Variants in NEIL1 observed in about 807,000 individuals in gnomAD.
The protein encoded by NEIL1 is nei like DNA glycosylase 1.
Under a neutral mutation model 44.2 loss-of-function variants are expected in NEIL1, and 31 were observed. The ratio of observed to expected loss-of-function variants is 0.70; its 90% CI spans 0.53 to 0.95. The LOEUF is 0.95. Among genes scored for constraint, NEIL1 ranks in the 40% least tolerant of loss-of-function variants. The pLI is 0.00. For missense variants in NEIL1, 549 were observed against 515.5 expected (o/e 1.07, Z -0.63); for synonymous variants, 254 against 209.7 (o/e 1.21, Z -1.83).
intron 2 of NEIL1, chr15:75,351,167 G>A (rs924863334): frequency 9.2e-6 from 4 of 436,010 alleles, no homozygotes; most frequent in African/African-American, 6.2e-5. Context: ...ATGCTATACA[G>A]GGAGCTCCAG....
In NEIL1 at chr15:75,356,725, T is replaced by C. The variant is rs768589454; in HGVS notation, c.*1691T>C. The C allele has an allele frequency of 5.0e-6, 8 of 1,612,300 alleles. No homozygotes were observed. In the East Asian group the frequency reaches 8.9e-5, roughly 18 times the overall value. ...GCGCGTAGGGGCCACGCTGAAGCTG[T>C]TGGAGTTGTGGTCGGGAAGACCCAT... On this transcript the variant is annotated 3_prime_UTR_variant, in exon 10 of 10. Coordinates refer to ENST00000355059, the MANE Select transcript of NEIL1 (RefSeq NM_024608.4). The surrounding 1 kb of genome is among the most constrained non-coding windows in gnomAD (Gnocchi z 5.8).
rs764540401 is a variant in NEIL1 at position 75,356,797 on chromosome 15, A to G, written c.*1763A>G. ...CCTGGTGGGTACCCCACTTACAGCG[A>G]GAGGCTGAGGATGCTGCCTCGCACT... On this transcript the variant is annotated 3_prime_UTR_variant, in exon 10 of 10. Transcript: ENST00000355059. The surrounding 1 kb of genome is among the most constrained non-coding windows in gnomAD (Gnocchi z 5.8). 7 of 1,614,068 alleles carry G rather than the reference A, an allele frequency of 4.3e-6. No homozygotes were observed. The Admixed American group carries it at 1.0e-4, about 23-fold the overall frequency.
intron 2 of NEIL1, 88 bp from the exon 3 acceptor site, chr15:75,352,023 T>G (rs1430893575): frequency 7.5e-7 from 1 of 1,341,686 alleles, no homozygotes; most frequent in Non-Finnish European, 1.1e-6. Flanking sequence ...TCCTTCCCCT[T>G]GCACCCAGAA....
chr15:75,352,845 AAT>A (rs2072027330), intron 5 of NEIL1, 144 bp downstream of exon 5: 1 of 689,150 alleles, frequency 1.5e-6, no homozygotes, highest in African/African-American at 1.8e-5. Flanking sequence ...CTCACTTGTC[AAT>A]AGTGTTTCCA....
At chr15:75,351,874 G>T in intron 2 of NEIL1, 1 of 440,772 alleles carries the variant, frequency 2.3e-6, no homozygotes, top group Admixed American at 3.4e-5. Flanking sequence ...TGCCCGCCTC[G>T]GCCTCCCAAA....
rs2072259095 is a variant in NEIL1 at position 75,355,328 on chromosome 15, C to T, written c.*294C>T. ...CCTGGTGACAGAAGGCCCAGCTCCT[C>T]ACAAGGCAAACTGAGCCCCCATCCC... On this transcript the variant is annotated 3_prime_UTR_variant, in exon 10 of 10. Transcript: ENST00000355059. 5 of 378,246 alleles carry T rather than the reference C, an allele frequency of 1.3e-5. No individual in the cohort carries two copies. Among genetic ancestry groups the T allele is most frequent in the Non-Finnish European group, 1.5e-5 (3 of 206,040 alleles). 23.4% of individuals were successfully genotyped at this position (378,246 alleles called of 1,614,324 possible).
rs371876324 is a variant in NEIL1, at chr15:75,356,127, C to T, written c.*1093C>T. Reference sequence around the variant, plus strand: ...CCACTCACAGGATGGCCTCCTGAACCGGCAGCGACAAGTGCAGCCAGCAGT... The same window carrying T: ...CCACTCACAGGATGGCCTCCTGAACTGGCAGCGACAAGTGCAGCCAGCAGT... On this transcript the variant is annotated 3_prime_UTR_variant, in exon 10 of 10. Transcript: ENST00000355059. This position sits in a 1 kb window ranked among gnomAD's most constrained non-coding sequence, Gnocchi z 5.8. The T allele has an allele frequency of 1.4e-5, 23 of 1,613,662 alleles. No individual in the cohort carries two copies. The highest frequency in any genetic ancestry group is 6.7e-5 in the African/African-American group (5 of 74,928).
rs749691453 is a variant in NEIL1 at position 75,356,416 on chromosome 15, G to A, written c.*1382G>A. The A allele has an allele frequency of 9.9e-6, 16 of 1,608,584 alleles. No individual in the cohort carries two copies. The highest frequency in any genetic ancestry group is 8.5e-7 in the Non-Finnish European group (1 of 1,178,094). Reference sequence around the variant, plus strand: ...CAACAGGGGGAAGTTTAGGCTGTAGGCAGCTTGGATAACGCCAGCATCCTG... The same window carrying A: ...CAACAGGGGGAAGTTTAGGCTGTAGACAGCTTGGATAACGCCAGCATCCTG... On this transcript the variant is annotated 3_prime_UTR_variant, in exon 10 of 10. Transcript: ENST00000355059. The surrounding 1 kb of genome is among the most constrained non-coding windows in gnomAD (Gnocchi z 5.8).
intron 6 of NEIL1, 132 bp from the exon 7 acceptor site, chr15:75,354,118 G>A: frequency 2.7e-6 from 3 of 1,128,132 alleles, no homozygotes; most frequent in East Asian, 2.4e-5. Context: ...CTAACATGGG[G>A]GATGTCCTAG....
chr15:75,354,237 C>T lies in NEIL1; in HGVS notation c.847-13C>T. The T allele has an allele frequency of 6.2e-7, 1 of 1,614,062 alleles. No homozygotes were observed. The highest frequency in any genetic ancestry group is 8.5e-7 in the Non-Finnish European group (1 of 1,179,964). On this transcript the variant is annotated splice_polypyrimidine_tract_variant and intron_variant, in intron 6 of 9. Coordinates refer to ENST00000355059, the MANE Select transcript of NEIL1 (RefSeq NM_024608.4). Reference sequence around the variant, plus strand: ...CCCAGGCTGATTCCTGAATTATCCCCATCCCATTTTAGGGGGATCCTGGAC... The same window carrying T: ...CCCAGGCTGATTCCTGAATTATCCCTATCCCATTTTAGGGGGATCCTGGAC...
At position 75,348,964 on chromosome 15, in the gene NEIL1, C is replaced by T. The variant is rs1410863928; in HGVS notation, c.59C>T (p.Ala20Val). The T allele has an allele frequency of 6.2e-7, 1 of 1,613,474 alleles. No individual in the cohort carries two copies. Among genetic ancestry groups the T allele is most frequent in the Non-Finnish European group, 8.5e-7 (1 of 1,180,038 alleles). ...ASQFVNEACR[A>V]LVFGGCVEKS... is the part of the protein sequence containing the mutation. ...CAGTTTGTGAATGAGGCCTGCAGGG[C>T]GCTGGTGTTCGGCGGCTGCGTGGAG... The change falls in exon 2 of 10, where the codon GCG (alanine) becomes GTG (valine). Residue 20 changes from alanine to valine, a missense_variant. Ala to Val is a moderately conservative substitution (Grantham distance 64). Transcript: ENST00000355059.
intron 5 of NEIL1, 166 bp from the exon 6 acceptor site, chr15:75,353,573 G>A (rs770121503): frequency 1.2e-6 from 1 of 804,090 alleles, no homozygotes; most frequent in Admixed American, 1.7e-5. Flanking sequence ...CCATGGCCGA[G>A]TGGGAAGAAA....
At position 75,352,393 on chromosome 15, in the gene NEIL1, C is replaced by T. The variant is rs372767809; in HGVS notation, c.618+6C>T. 1.4e-5 allele frequency: 22 copies of T among 1,613,374 alleles called. No homozygotes were observed. Among genetic ancestry groups the T allele is most frequent in the East Asian group, 8.9e-5 (4 of 44,884 alleles). ...CCCTGCAGCAGCACAGGCCGGTAAG[C>T]CCAGAGAGGGATGGAGCACACGTGC... On this transcript the variant is annotated splice_donor_region_variant and intron_variant, in intron 4 of 9. Coordinates refer to ENST00000355059, the MANE Select transcript of NEIL1 (RefSeq NM_024608.4).
At position 75,357,114 on chromosome 15, in the gene NEIL1, C is replaced by T. The variant is rs1237357121; in HGVS notation, c.*2080C>T. On this transcript the variant is annotated 3_prime_UTR_variant, in exon 10 of 10. Transcript: ENST00000355059. ...CGGGAATAAATAATAGTACTCACCC[C>T]ATCGAATGATCATGAGTATCAAATT... The T allele has an allele frequency of 8.7e-6, 5 of 574,690 alleles. No individual in the cohort carries two copies. The highest frequency in any genetic ancestry group is 4.5e-5 in the South Asian group (2 of 44,740). 35.6% of individuals were successfully genotyped at this position (574,690 alleles called of 1,614,324 possible).
In NEIL1 at chr15:75,354,700, G is replaced by A. The variant is rs145982834; in HGVS notation, c.984G>A (p.Lys328=). 3.2e-4 allele frequency: 517 copies of A among 1,614,214 alleles called. No homozygotes were observed. In the African/African-American group the frequency reaches 6.1e-3, roughly 19 times the overall value. Residue 328 remains lysine (K), a synonymous_variant, in exon 9 of 10, where the codon AAG becomes AAA. Transcript: ENST00000355059. ...CCCCTTCCAGGACACGAAGGGCAAA[G>A]AGAGACCTTCCTAAGAGGACTGCAA... ...SKAPSRTRRA[K]RDLPKRTATQ...
rs1224060987 is a variant in NEIL1, at chr15:75,355,240, C to A, written c.*206C>A. 5 of 567,746 alleles carry A rather than the reference C, an allele frequency of 8.8e-6. No homozygotes were observed. In the East Asian group the frequency reaches 1.5e-4, roughly 17 times the overall value. 35.2% of individuals were successfully genotyped at this position (567,746 alleles called of 1,614,324 possible). On this transcript the variant is annotated 3_prime_UTR_variant, in exon 10 of 10. Transcript: ENST00000355059. ...ATGCTGCATTTTTAATAAACTGATA[C>A]ATTTGAACTTCTTGGCACCTCTTGG...
Position 75,349,260 on chromosome 15 carries a change from C to A in NEIL1, c.355C>A (p.Arg119=). The A allele has an allele frequency of 6.2e-6, 10 of 1,611,440 alleles. No individual in the cohort carries two copies. Among genetic ancestry groups the A allele is most frequent in the Non-Finnish European group, 8.5e-6 (10 of 1,179,804 alleles). The change falls in exon 2 of 10, where the codon CGG becomes AGG. Residue 119 remains arginine (R), a synonymous_variant. Transcript: ENST00000355059. Reference sequence around the variant, plus strand: ...CGCCCTATGTTTCGTGGACATCCGCCGGTTCGGCCGCTGGGACCTTGGGGG... The same window carrying A: ...CGCCCTATGTTTCGTGGACATCCGCAGGTTCGGCCGCTGGGACCTTGGGGG... ...RLALCFVDIR[R]FGRWDLGGKW...
In NEIL1 at chr15:75,352,660, T is replaced by C. The variant is rs1222481302; in HGVS notation, c.677T>C (p.Leu226Pro). The C allele has an allele frequency of 3.1e-6, 5 of 1,613,402 alleles. No homozygotes were observed. The highest frequency in any genetic ancestry group is 2.2e-5 in the East Asian group (1 of 44,828). Residue 226 changes from leucine (L) to proline (P), a missense_variant, in exon 5 of 10, where the codon CTG (leucine) becomes CCG (proline). By Grantham distance (98) the Leu-to-Pro change is moderately conservative. Transcript: ENST00000355059. ...ACCAAGCTGCAGAATCCAGACCTGC[T>C]GGAGCTATGTCACTCAGTGCCCAAG... ...IRTKLQNPDL[L>P]ELCHSVPKEV...
rs1470249695 is a variant in NEIL1, at chr15:75,354,812, G to A, written c.1096G>A (p.Ala366Thr). The A allele has an allele frequency of 1.2e-6, 2 of 1,614,008 alleles. No individual in the cohort carries two copies. The highest frequency in any genetic ancestry group is 2.2e-5 in the South Asian group (2 of 91,086). The change falls in exon 9 of 10, where the codon GCC becomes ACC. Residue 366 changes from alanine (A) to threonine (T), a missense_variant. By Grantham distance (58) the Ala-to-Thr change is moderately conservative (BLOSUM62 0). Transcript: ENST00000355059. ...KKGRRKGRQA[A>T]SGHCRPRKVK... ...GGGGAGGAGGAAGGGGCGACAGGCA[G>A]CCTCTGGTGGGCTTTCCTCATCACT...
Sources: allele counts gnomAD v4.1 joint callset, GRCh38; gene constraint gnomAD v4.1.1; non-coding constraint Gnocchi (gnomAD v3.1); transcripts MANE v1.5; gene names NCBI Gene and HGNC (gene_info 2026-07-23, HGNC 2026-07-21).